Variants in FMN2 observed in about 807,000 individuals in gnomAD.
FMN2 encodes formin-2.
FMN2 carries 51 observed loss-of-function variants against 142.3 expected under a neutral mutation model. The ratio of observed to expected loss-of-function variants is 0.36; its 90% CI spans 0.29 to 0.45. FMN2 has a LOEUF of 0.45. Among genes scored for constraint, FMN2 ranks in the 20% least tolerant of loss-of-function variants. The pLI, the probability that FMN2 is intolerant of heterozygous loss-of-function variation, is 1.00. For synonymous variants in FMN2, 882 were observed against 869.8 expected (o/e 1.01, Z -0.25); for missense variants, 1,936 against 2,122.8 (o/e 0.91, Z 1.73).
chr1:240,455,178 A>AAGCTGGTGCACAAT (rs60026777), intron 16 of FMN2, among the ~76,000 whole-genome samples: 2 of 151,772 alleles, frequency 1.3e-5, no homozygotes, highest in Admixed American at 6.6e-5. Flanking sequence ...GACCATCGGA[A>AAGCTGGTGCACAAT]AGTAAAGAGG....
chr1:240,281,976 C>T (rs1669410623), intron 7 of FMN2, among the ~76,000 whole-genome samples: 1 of 152,102 alleles, frequency 6.6e-6, no homozygotes, highest in Non-Finnish European at 1.5e-5. Context: ...TAATACGAAA[C>T]TTATAGTCTT....
chr1:240,095,175 T>C (rs1661154320), intron 1 of FMN2, among the ~76,000 whole-genome samples: 3 of 152,176 alleles, frequency 2.0e-5, no homozygotes. Context: ...TTTTGTGAAT[T>C]TAATGTTGGT....
At chr1:240,406,988 C>A (rs542812530) in intron 15 of FMN2, among the ~76,000 whole-genome samples, 3 of 152,092 alleles carry the variant, frequency 2.0e-5, no homozygotes, top group Non-Finnish European at 4.4e-5. Context: ...AAACGTTCGT[C>A]GTCTCATTTT....
chr1:240,273,585 G>A (rs575994524), intron 7 of FMN2, among the ~76,000 whole-genome samples: 6 of 152,246 alleles, frequency 3.9e-5, no homozygotes, highest in Middle Eastern at 3.4e-3. Flanking sequence ...GCTGTGTGCA[G>A]TGCTTTAGTG....
chr1:240,466,910 G>T (rs1261349987), intron 16 of FMN2, among the ~76,000 whole-genome samples: 2 of 152,192 alleles, frequency 1.3e-5, no homozygotes, highest in South Asian at 2.1e-4. Context: ...CTGCCTGTAA[G>T]TCCAGGAACT....
intron 3 of FMN2, among the ~76,000 whole-genome samples, chr1:240,182,257 G>A (rs1243054863): frequency 6.6e-6 from 1 of 152,200 alleles, no homozygotes; most frequent in East Asian, 1.9e-4. Flanking sequence ...CAGGAGCAAG[G>A]TGTGTAGATG....
chr1:240,205,591 A>G (rs372163693), intron 4 of FMN2, among the ~76,000 whole-genome samples: 365 of 150,702 alleles, frequency 2.4e-3, no homozygotes, highest in African/African-American at 8.6e-3. Context: ...CCTCCTGAGT[A>G]GCTGGGACTA....
At chr1:240,245,448 C>A (rs1668044242) in intron 6 of FMN2, 1 of 461,552 alleles carries the variant, frequency 2.2e-6, no homozygotes, top group Non-Finnish European at 4.5e-6. Context: ...TGATGTGTGG[C>A]TGGATACCAG....
intron 2 of FMN2, among the ~76,000 whole-genome samples, chr1:240,150,567 T>A (rs978087919): frequency 6.6e-6 from 1 of 152,218 alleles, no homozygotes; most frequent in African/African-American, 2.4e-5. Context: ...TAAAGAGTAC[T>A]GAGCTAGGTG....
intron 15 of FMN2, among the ~76,000 whole-genome samples, chr1:240,435,438 TCAGC>T (rs1675332808): frequency 6.6e-6 from 1 of 151,522 alleles, no homozygotes; most frequent in Non-Finnish European, 1.5e-5. Context: ...TGTTAATAAA[TCAGC>T]CCCAATTGAA....
chr1:240,287,757 C>G (rs1297705613), intron 7 of FMN2, among the ~76,000 whole-genome samples: 7 of 152,134 alleles, frequency 4.6e-5, no homozygotes, highest in Non-Finnish European at 8.8e-5. Flanking sequence ...TGAGTGTTTG[C>G]TTTGTGCGTG....
intron 8 of FMN2, among the ~76,000 whole-genome samples, chr1:240,303,114 T>A (rs1558421952): frequency 6.6e-6 from 1 of 152,144 alleles, no homozygotes; most frequent in African/African-American, 2.4e-5. Context: ...AACTGAGCCT[T>A]TTGTACCCTG....
chr1:240,367,083 C>T (rs1243519582), intron 14 of FMN2, among the ~76,000 whole-genome samples: 4 of 152,070 alleles, frequency 2.6e-5, no homozygotes, highest in African/African-American at 9.7e-5. Flanking sequence ...TTACCAGCAC[C>T]GAGTTCTTTG....
At chr1:240,431,456 TCTTC>T (rs1190419067) in intron 15 of FMN2, among the ~76,000 whole-genome samples, 1 of 146,292 alleles carries the variant, frequency 6.8e-6, no homozygotes, top group Non-Finnish European at 1.5e-5. Context: ...ATGTTTTATT[TCTTC>T]CTTTCCAATT....
At chr1:240,278,985 A>T (rs2102934933) in intron 7 of FMN2, among the ~76,000 whole-genome samples, 1 of 152,288 alleles carries the variant, frequency 6.6e-6, no homozygotes, top group South Asian at 2.1e-4. Context: ...TCTTGAAGAG[A>T]CATTTACTAT....
chr1:240,184,776 G>T (rs1477911748), intron 3 of FMN2, among the ~76,000 whole-genome samples: 2 of 151,794 alleles, frequency 1.3e-5, no homozygotes, highest in Admixed American at 1.3e-4. Context: ...TTCCGGGAGT[G>T]ATCACTTTCA....
intron 14 of FMN2, among the ~76,000 whole-genome samples, chr1:240,379,997 G>T (rs879259830): frequency 6.6e-6 from 1 of 151,896 alleles, no homozygotes; most frequent in Non-Finnish European, 1.5e-5. Flanking sequence ...AAACATATTG[G>T]TGGACCTAAG....
chr1:240,178,150 T>TAA, intron 3 of FMN2, 82 bp downstream of exon 3: 1 of 1,353,198 alleles, frequency 7.4e-7, no homozygotes, highest in Non-Finnish European at 9.6e-7. Flanking sequence ...TAGTTTTAAG[T>TAA]AATCTTTTAT....
chr1:240,107,387 G>A (rs1661653466), intron 1 of FMN2, among the ~76,000 whole-genome samples: 1 of 152,030 alleles, frequency 6.6e-6, no homozygotes, highest in South Asian at 2.1e-4. Flanking sequence ...TTTTATTTGA[G>A]ACTGCTTTAA....
Sources: allele counts gnomAD v4.1 joint callset (sites outside exome capture counted in the v4.1 genomes callset), GRCh38; gene constraint gnomAD v4.1.1; transcripts MANE v1.5; gene names NCBI Gene and HGNC (gene_info 2026-07-23, HGNC 2026-07-21).